Variants in NXPH1 observed in about 807,000 individuals in gnomAD.
NXPH1 encodes neurexophilin-1.
NXPH1 carries 5 observed loss-of-function variants against 23.7 expected under a neutral mutation model. The ratio of observed to expected loss-of-function variants is 0.21; its 90% CI spans 0.11 to 0.44. NXPH1 has a LOEUF of 0.44. NXPH1 is among the 20% of genes least tolerant of loss of function. The pLI, the probability that NXPH1 is intolerant of heterozygous loss-of-function variation, is 0.99. For missense variants in NXPH1, 324 were observed against 321.6 expected (o/e 1.01, Z -0.06); for synonymous variants, 144 against 122.2 (o/e 1.18, Z -1.18).
chr7:8,744,145 T>A (rs1780428192), intron 2 of NXPH1, among the ~76,000 whole-genome samples: 1 of 152,246 alleles, frequency 6.6e-6, no homozygotes, highest in Admixed American at 6.5e-5. Flanking sequence ...TCTATGCCCC[T>A]ATTTGTATAT....
At chr7:8,617,270 CT>C (rs1819764585) in intron 2 of NXPH1, among the ~76,000 whole-genome samples, 1 of 151,986 alleles carries the variant, frequency 6.6e-6, no homozygotes, top group Non-Finnish European at 1.5e-5. Context: ...TCAGAACTTG[CT>C]GTTGGAGTAG....
intron 2 of NXPH1, among the ~76,000 whole-genome samples, chr7:8,525,609 G>A (rs1817849803): frequency 6.6e-6 from 1 of 152,172 alleles, no homozygotes; most frequent in Non-Finnish European, 1.5e-5. Flanking sequence ...TTGGGCCCAG[G>A]GTTCCCATGC....
At chr7:8,473,216 G>A (rs1046869688) in intron 2 of NXPH1, among the ~76,000 whole-genome samples, 65 of 152,100 alleles carry the variant, frequency 4.3e-4, no homozygotes, top group African/African-American at 1.5e-3. Flanking sequence ...CAAGTGCCTA[G>A]GACTATACAT....
At chr7:8,608,048 C>T (rs775992279) in intron 2 of NXPH1, among the ~76,000 whole-genome samples, 4 of 152,160 alleles carry the variant, frequency 2.6e-5, no homozygotes, top group Non-Finnish European at 5.9e-5. Flanking sequence ...GGATTCTATC[C>T]GGAGTCTCAG....
chr7:8,587,738 T>C (rs1464233830), intron 2 of NXPH1, among the ~76,000 whole-genome samples: 1 of 152,170 alleles, frequency 6.6e-6, no homozygotes, highest in African/African-American at 2.4e-5. Flanking sequence ...GTGCGGTGTT[T>C]GGATTTCTGT....
At chr7:8,709,015 C>G (rs994406283) in intron 2 of NXPH1, among the ~76,000 whole-genome samples, 1 of 151,992 alleles carries the variant, frequency 6.6e-6, no homozygotes, top group Non-Finnish European at 1.5e-5. Context: ...AAATAGTGTC[C>G]TTTTTATGAG....
At chr7:8,623,752 T>G (rs56195510) in intron 2 of NXPH1, among the ~76,000 whole-genome samples, 1 of 143,448 alleles carries the variant, frequency 7.0e-6, no homozygotes, top group Non-Finnish European at 1.5e-5. Context: ...GCAAAATATA[T>G]GTATATGCAT....
chr7:8,734,437 A>G (rs1310716927), intron 2 of NXPH1, among the ~76,000 whole-genome samples: 1 of 152,158 alleles, frequency 6.6e-6, no homozygotes, highest in Non-Finnish European at 1.5e-5. Context: ...TGATGGGGAT[A>G]GCATTGAATC....
chr7:8,461,201 C>A (rs111893775), intron 2 of NXPH1, among the ~76,000 whole-genome samples: 2 of 152,260 alleles, frequency 1.3e-5, no homozygotes, highest in East Asian at 1.9e-4. Context: ...TCTAATTGTT[C>A]AGTTTTCAAT....
At chr7:8,680,734 A>C (rs1185793402) in intron 2 of NXPH1, among the ~76,000 whole-genome samples, 2 of 152,224 alleles carry the variant, frequency 1.3e-5, no homozygotes, top group Non-Finnish European at 2.9e-5. Flanking sequence ...GGATCACTGT[A>C]ACAGTTATTG....
At chr7:8,622,386 T>C (rs561863621) in intron 2 of NXPH1, among the ~76,000 whole-genome samples, 25 of 152,328 alleles carry the variant, frequency 1.6e-4, no homozygotes, top group African/African-American at 6.0e-4. Context: ...GTGACTTGAA[T>C]TCAGGTCCTT....
intron 2 of NXPH1, among the ~76,000 whole-genome samples, chr7:8,746,154 C>A (rs556172841): frequency 6.6e-6 from 1 of 152,288 alleles, no homozygotes; most frequent in Admixed American, 6.5e-5. Flanking sequence ...CACTATACAG[C>A]TATTTTGTTA....
At chr7:8,511,683 A>G (rs1817614873) in intron 2 of NXPH1, among the ~76,000 whole-genome samples, 1 of 152,128 alleles carries the variant, frequency 6.6e-6, no homozygotes, top group African/African-American at 2.4e-5. Context: ...ATATGTCACC[A>G]TGCGTTACTT....
At chr7:8,723,455 G>C (rs1451951391) in intron 2 of NXPH1, among the ~76,000 whole-genome samples, 1 of 152,120 alleles carries the variant, frequency 6.6e-6, no homozygotes, top group Non-Finnish European at 1.5e-5. Context: ...CCAAAATATA[G>C]TTTTATGCTC....
chr7:8,457,760 G>T (rs1816624810), intron 2 of NXPH1, among the ~76,000 whole-genome samples: 1 of 152,036 alleles, frequency 6.6e-6, no homozygotes, highest in Non-Finnish European at 1.5e-5. Context: ...TTCTGGCAAA[G>T]ACTAAGTGGA....
At chr7:8,613,141 T>C (rs1819655576) in intron 2 of NXPH1, among the ~76,000 whole-genome samples, 1 of 152,002 alleles carries the variant, frequency 6.6e-6, no homozygotes, top group African/African-American at 2.4e-5. Flanking sequence ...TTCCTTAATA[T>C]ATAGGATTCA....
intron 2 of NXPH1, among the ~76,000 whole-genome samples, chr7:8,506,893 C>T (rs988675233): frequency 3.3e-5 from 5 of 151,926 alleles, no homozygotes; most frequent in Admixed American, 6.6e-5. Context: ...CCCTGCATGC[C>T]CTGCAGCTCA....
At chr7:8,708,786 T>C (rs1025004897) in intron 2 of NXPH1, among the ~76,000 whole-genome samples, 1 of 152,196 alleles carries the variant, frequency 6.6e-6, no homozygotes, top group East Asian at 1.9e-4. Context: ...AAATTCACTT[T>C]TGATGGATTG....
At chr7:8,543,854 AT>A (rs918737547) in intron 2 of NXPH1, among the ~76,000 whole-genome samples, 8 of 151,286 alleles carry the variant, frequency 5.3e-5, no homozygotes, top group Admixed American at 1.3e-4. Flanking sequence ...TTAATTTTTA[AT>A]TTTTTTTCTA....
Sources: allele counts gnomAD v4.1 joint callset (sites outside exome capture counted in the v4.1 genomes callset), GRCh38; gene constraint gnomAD v4.1.1; transcripts MANE v1.5; gene names NCBI Gene and HGNC (gene_info 2026-07-23, HGNC 2026-07-21).